GRM7: variants seen among roughly 807,000 people sequenced by gnomAD.
The protein encoded by GRM7 is metabotropic glutamate receptor 7.
Under a neutral mutation model 84.5 loss-of-function variants are expected in GRM7, and 35 were observed. The ratio of observed to expected loss-of-function variants is 0.41; its 90% CI spans 0.32 to 0.55. GRM7 has a LOEUF of 0.55. Ranked by LOEUF, GRM7 falls within the 20% of genes least tolerant of loss-of-function variation. The pLI is 0.19. For synonymous variants in GRM7, 487 were observed against 455.1 expected (o/e 1.07, Z -0.89); for missense variants, 1,003 against 1,194.6 (o/e 0.84, Z 2.36).
intron 4 of GRM7, among the ~76,000 whole-genome samples, chr3:7,311,921 A>G (rs145137879): frequency 1.3e-5 from 2 of 152,292 alleles, no homozygotes; most frequent in East Asian, 1.9e-4. Context: ...TCACCACTGT[A>G]CAGCTTTGGA....
At chr3:7,261,914 C>CTTCCTCCCTTCCTTCCCTCCCTCCA (rs1698442026) in intron 2 of GRM7, among the ~76,000 whole-genome samples, 1 of 147,804 alleles carries the variant, frequency 6.8e-6, no homozygotes, top group Non-Finnish European at 1.5e-5. Flanking sequence ...CCCTCCCTCC[C>CTTCCTCCCTTCCTTCCCTCCCTCCA]TTCCTCCCTT....
chr3:7,484,919 G>A (rs1032630320), intron 7 of GRM7, among the ~76,000 whole-genome samples: 3 of 152,184 alleles, frequency 2.0e-5, no homozygotes, highest in African/African-American at 4.8e-5. Flanking sequence ...TGTCTTTGGT[G>A]CTTTCTCTTA....
At chr3:7,680,408 C>A in intron 9 of GRM7, 113 bp downstream of exon 9, 1 of 1,135,118 alleles carries the variant, frequency 8.8e-7, no homozygotes, top group Non-Finnish European at 1.3e-6. Flanking sequence ...GTCTTATGGG[C>A]TGGGTTGCCT....
chr3:7,234,379 C>G (rs1697285070), intron 2 of GRM7, among the ~76,000 whole-genome samples: 1 of 152,168 alleles, frequency 6.6e-6, no homozygotes, highest in Non-Finnish European at 1.5e-5. Flanking sequence ...TTTCTACTAA[C>G]TAGCACTGTG....
chr3:7,296,815 C>A (rs1559561770), intron 2 of GRM7, among the ~76,000 whole-genome samples: 2 of 150,254 alleles, frequency 1.3e-5, no homozygotes, highest in Non-Finnish European at 3.0e-5. Flanking sequence ...TCAAAAACAG[C>A]TTTTTTAAAA....
At chr3:6,980,349 A>G (rs1694154636) in intron 1 of GRM7, among the ~76,000 whole-genome samples, 1 of 152,202 alleles carries the variant, frequency 6.6e-6, no homozygotes, top group Non-Finnish European at 1.5e-5. Context: ...TACTTATGCA[A>G]CATTTCATAT....
chr3:7,292,295 T>A (rs573348044), intron 2 of GRM7, among the ~76,000 whole-genome samples: 1 of 152,332 alleles, frequency 6.6e-6, no homozygotes, highest in South Asian at 2.1e-4. Context: ...CCTTTGATGA[T>A]TCCTCTAACA....
intron 2 of GRM7, among the ~76,000 whole-genome samples, chr3:7,272,950 T>C (rs115143971): frequency 0.016 from 2,506 of 152,176 alleles, 63 homozygotes; most frequent in African/African-American, 0.058. Flanking sequence ...TAATTGCTTT[T>C]AGATTTTTAT....
chr3:7,528,777 A>C (rs1213726043), intron 7 of GRM7, among the ~76,000 whole-genome samples: 1 of 151,986 alleles, frequency 6.6e-6, no homozygotes, highest in Non-Finnish European at 1.5e-5. Flanking sequence ...TGTTTACTCA[A>C]AATTTATTCA....
intron 5 of GRM7, among the ~76,000 whole-genome samples, chr3:7,416,737 G>C (rs959960347): frequency 2.0e-5 from 3 of 152,086 alleles, no homozygotes; most frequent in Non-Finnish European, 4.4e-5. Flanking sequence ...CAATAGTTCT[G>C]AGATATGGTC....
intron 2 of GRM7, among the ~76,000 whole-genome samples, chr3:7,175,963 G>T (rs1026201094): frequency 1.3e-5 from 2 of 152,064 alleles, no homozygotes; most frequent in Non-Finnish European, 2.9e-5. Context: ...ATCTATCTGT[G>T]TGTAGGTGGG....
At chr3:7,526,186 C>T (rs567443476) in intron 7 of GRM7, among the ~76,000 whole-genome samples, 10 of 152,236 alleles carry the variant, frequency 6.6e-5, no homozygotes, top group African/African-American at 2.4e-4. Flanking sequence ...CTTTTCTCTG[C>T]AATCTTGCCA....
At chr3:7,470,204 A>G (rs759866183) in intron 7 of GRM7, among the ~76,000 whole-genome samples, 3 of 152,198 alleles carry the variant, frequency 2.0e-5, no homozygotes, top group Non-Finnish European at 2.9e-5. Flanking sequence ...ATTTCCACTA[A>G]TTCAGAAATT....
intron 2 of GRM7, among the ~76,000 whole-genome samples, chr3:7,226,510 C>G (rs183749928): frequency 6.6e-6 from 1 of 152,248 alleles, no homozygotes; most frequent in Admixed American, 6.5e-5. Flanking sequence ...CAGTCAAAGA[C>G]AGAGTTCTGT....
chr3:6,861,466 CGCGCTG>C lies in GRM7; in HGVS notation c.82_87del (p.Leu28_Ala29del). ...GCTGCGTGCTGGAGGTGCTCCTGTG[CGCGCTG>C]GCGGCGGCGGCGCGCGGCCAGGAGA... is the stretch of plus-strand genomic sequence containing the variant. On this transcript the variant is annotated inframe_deletion, in exon 1 of 10. Transcript: ENST00000357716. The surrounding 1 kb of genome is among the most constrained non-coding windows in gnomAD (Gnocchi z 6.4). 2.6e-6 allele frequency: 4 copies of C among 1,563,032 alleles called. No homozygotes were observed.
intron 5 of GRM7, among the ~76,000 whole-genome samples, chr3:7,438,110 G>T (rs929464362): frequency 6.6e-6 from 1 of 152,100 alleles, no homozygotes; most frequent in African/African-American, 2.4e-5. Flanking sequence ...GGGAACAGGT[G>T]AGGGGTTTCA....
At chr3:7,047,787 C>T (rs1696854779) in intron 1 of GRM7, among the ~76,000 whole-genome samples, 1 of 152,048 alleles carries the variant, frequency 6.6e-6, no homozygotes, top group African/African-American at 2.4e-5. Flanking sequence ...TTTGGGTCAG[C>T]ATTATCCTAA....
chr3:7,588,578 A>G (rs1477287553), intron 8 of GRM7, among the ~76,000 whole-genome samples: 1 of 152,148 alleles, frequency 6.6e-6, no homozygotes, highest in African/African-American at 2.4e-5. Flanking sequence ...CATGTACATG[A>G]TGGTGTTGGG....
intron 7 of GRM7, among the ~76,000 whole-genome samples, chr3:7,512,585 GA>G: frequency 1.3e-5 from 1 of 74,152 alleles, no homozygotes. Flanking sequence ...TTTTGTTTTA[GA>G]TTTTTTTTTT....
Sources: gnomAD v4.1 joint callset for allele counts (sites outside exome capture counted in the v4.1 genomes callset) on GRCh38, gnomAD v4.1.1 for gene constraint, Gnocchi (gnomAD v3.1) non-coding constraint, MANE v1.5 for transcripts, NCBI Gene and HGNC (gene_info 2026-07-23, HGNC 2026-07-21) for gene names.